Variants in SOBP observed in about 807,000 individuals in gnomAD.
The protein encoded by SOBP is sine oculis-binding protein homolog.
In SOBP, 4 loss-of-function variants were observed where a neutral mutation model predicts 53.6. That is an observed-to-expected ratio of 0.07 (90% CI 0.04 to 0.17). The LOEUF is 0.17. Among genes scored for constraint, SOBP ranks in the 10% least tolerant of loss-of-function variants. The pLI, the probability that SOBP is intolerant of heterozygous loss-of-function variation, is 1.00. For missense variants in SOBP, 1,088 were observed against 1,204.7 expected (o/e 0.90, Z 1.43); for synonymous variants, 584 against 522.6 (o/e 1.12, Z -1.60).
At chr6:107,630,396 G>C (rs1770653653) in intron 5 of SOBP, among the ~76,000 whole-genome samples, 1 of 152,190 alleles carries the variant, frequency 6.6e-6, no homozygotes, top group African/African-American at 2.4e-5. Flanking sequence ...TTTTATTAAA[G>C]AGAGAGGGAT....
Position 107,536,799 on chromosome 6 carries a change from A to G in SOBP, c.573+3189A>G, listed in dbSNP as rs375133949. 5.3e-5 allele frequency among the ~76,000 whole-genome samples: 8 copies of G among 152,348 alleles called. No homozygotes were observed. In the East Asian group the frequency reaches 1.3e-3, roughly 26 times the overall value. On this transcript the variant is annotated intron_variant, in intron 4 of 6. Transcript: ENST00000317357. ...CTGTATTCACTTAAGGACTCTAACTACTAGTTTACACATTTCAGAATGTTG... is the reference window on the plus strand; with the variant it reads ...CTGTATTCACTTAAGGACTCTAACTGCTAGTTTACACATTTCAGAATGTTG...
At chr6:107,572,922 G>T (rs4523117) in intron 4 of SOBP, among the ~76,000 whole-genome samples, 5,120 of 152,238 alleles carry the variant, frequency 0.034, 290 homozygotes, top group African/African-American at 0.12. Flanking sequence ...TTTGGCAGAG[G>T]TATGGTGAAG....
At chr6:107,573,722 C>T (rs1785143550) in intron 4 of SOBP, among the ~76,000 whole-genome samples, 1 of 152,092 alleles carries the variant, frequency 6.6e-6, no homozygotes, top group African/African-American at 2.4e-5. Context: ...AAAATTCTTG[C>T]CTGCTAACAA....
At chr6:107,614,487 G>A (rs1331569836) in intron 5 of SOBP, among the ~76,000 whole-genome samples, 1 of 152,262 alleles carries the variant, frequency 6.6e-6, no homozygotes, top group Admixed American at 6.5e-5. Context: ...TCTGGAGGAG[G>A]ATGTTGTGCT....
chr6:107,523,861 G>GCA (rs1783584802), intron 3 of SOBP, among the ~76,000 whole-genome samples: 1 of 152,226 alleles, frequency 6.6e-6, no homozygotes, highest in Admixed American at 6.5e-5. Flanking sequence ...TTTACACTAG[G>GCA]GGCAGCCATG....
intron 1 of SOBP, 102 bp downstream of exon 1, chr6:107,490,814 G>C: frequency 1.1e-6 from 1 of 875,184 alleles, no homozygotes; most frequent in Non-Finnish European, 1.9e-6. Flanking sequence ...GCGCTTGTCA[G>C]TTTCTGTAGG....
At chr6:107,637,633 A>G (rs773677242) in intron 6 of SOBP, among the ~76,000 whole-genome samples, 3 of 152,218 alleles carry the variant, frequency 2.0e-5, no homozygotes, top group Non-Finnish European at 4.4e-5. Context: ...AGCATTGGGA[A>G]TTGTCACTTT....
intron 4 of SOBP, among the ~76,000 whole-genome samples, chr6:107,542,482 A>G (rs771639850): frequency 2.0e-4 from 31 of 152,108 alleles, no homozygotes; most frequent in Non-Finnish European, 3.7e-4. Context: ...GATGGCAGCT[A>G]TTGGAAGCTG....
intron 5 of SOBP, among the ~76,000 whole-genome samples, chr6:107,616,598 A>G (rs529019067): frequency 6.6e-6 from 1 of 152,320 alleles, no homozygotes; most frequent in African/African-American, 2.4e-5. Context: ...TTGCTCTTTA[A>G]AATAGCCTTG....
At chr6:107,640,911 A>G (rs952126431) in intron 6 of SOBP, among the ~76,000 whole-genome samples, 1 of 152,162 alleles carries the variant, frequency 6.6e-6, no homozygotes, top group East Asian at 1.9e-4. Context: ...CTGTCTCCAG[A>G]TCCATATGGC....
intron 6 of SOBP, among the ~76,000 whole-genome samples, chr6:107,654,828 G>C (rs1771960523): frequency 6.7e-6 from 1 of 149,404 alleles, no homozygotes; most frequent in Non-Finnish European, 1.5e-5. Context: ...TCTGAGGGGA[G>C]GGTGGCTGAG....
chr6:107,549,038 C>T (rs113907023), intron 4 of SOBP, among the ~76,000 whole-genome samples: 1,617 of 152,094 alleles, frequency 0.011, 29 homozygotes, highest in African/African-American at 0.037. Context: ...GGGGCCGAGG[C>T]GGGCAGATCA....
chr6:107,556,026 T>C (rs1320052546), intron 4 of SOBP, among the ~76,000 whole-genome samples: 1 of 152,244 alleles, frequency 6.6e-6, no homozygotes, highest in African/African-American at 2.4e-5. Context: ...AGTTGCACAG[T>C]TGAAGACTTT....
chr6:107,602,362 A>G (rs1457405856), intron 5 of SOBP, among the ~76,000 whole-genome samples: 8 of 152,198 alleles, frequency 5.3e-5, no homozygotes, highest in Admixed American at 5.2e-4. Flanking sequence ...TGAATACTTG[A>G]GAAAATCAGA....
intron 4 of SOBP, among the ~76,000 whole-genome samples, chr6:107,542,954 C>G (rs565144284): frequency 6.6e-6 from 1 of 152,140 alleles, no homozygotes; most frequent in East Asian, 1.9e-4. Flanking sequence ...CCTACAGCAT[C>G]CACGGGCCTT....
intron 4 of SOBP, among the ~76,000 whole-genome samples, chr6:107,572,982 G>A (rs765544183): frequency 2.6e-5 from 4 of 152,176 alleles, no homozygotes; most frequent in Admixed American, 6.5e-5. Flanking sequence ...GGCTGCTCAC[G>A]CGGGAGCCCC....
chr6:107,548,520 G>A (rs1414971499), intron 4 of SOBP, among the ~76,000 whole-genome samples: 1 of 152,086 alleles, frequency 6.6e-6, no homozygotes, highest in African/African-American at 2.4e-5. Flanking sequence ...GGGATTACAG[G>A]CGTGAGCCAC....
In SOBP at chr6:107,661,087, A is replaced by T. The variant is rs554781875; in HGVS notation, c.*2884A>T. On this transcript the variant is annotated 3_prime_UTR_variant, in exon 7 of 7. Transcript: ENST00000317357. The stretch of plus-strand genomic sequence containing the variant: ...TTGGCCATGGAGACAGTCATCCAGG[A>T]TATTGATTTTGCTTTTGTCTGTAGT... Among the ~76,000 whole-genome samples the T allele has an allele frequency of 1.3e-5, 2 of 152,292 alleles. No homozygotes were observed. Among genetic ancestry groups the T allele is most frequent in the African/African-American group, 4.8e-5 (2 of 41,566 alleles).
At chr6:107,614,204 C>T (rs911582079) in intron 5 of SOBP, among the ~76,000 whole-genome samples, 1 of 152,134 alleles carries the variant, frequency 6.6e-6, no homozygotes, top group African/African-American at 2.4e-5. Context: ...GAATTAGAGA[C>T]CAGTCTGGGC....
Sources: gnomAD v4.1 joint callset for allele counts (sites outside exome capture counted in the v4.1 genomes callset) on GRCh38, gnomAD v4.1.1 for gene constraint, MANE v1.5 for transcripts, NCBI Gene and HGNC (gene_info 2026-07-23, HGNC 2026-07-21) for gene names.